The following UVRAG variants were observed in gnomAD, a reference collection of about 807,000 sequenced individuals.
UVRAG encodes UV radiation resistance-associated gene protein.
A neutral mutation model predicts 78.0 loss-of-function variants in UVRAG; 19 were observed. The observed-to-expected ratio is 0.24, with a 90% CI of 0.17 to 0.36. The LOEUF (loss-of-function observed/expected upper bound fraction) is 0.36, where lower values mean the gene tolerates loss of function less well. Ranked by LOEUF, UVRAG falls within the 10% of genes least tolerant of loss-of-function variation. The probability of loss-of-function intolerance (pLI) is 1.00; values close to 1 mark genes in which losing one functional copy is unlikely to be tolerated. For synonymous variants in UVRAG, 323 were observed against 324.6 expected, an observed-to-expected ratio of 1.00 and a Z score of 0.05; for missense variants, 740 against 853.8, an observed-to-expected ratio of 0.87 and a Z score of 1.66.
At chr11:76,055,044 T>A (rs1950953652) in intron 12 of UVRAG, among the ~76,000 whole-genome samples, 1 of 152,212 alleles carries the variant, frequency 6.6e-6, no homozygotes, top group African/African-American at 2.4e-5. Context: ...AAACTAGTTT[T>A]AAATTTTCCA....
intron 6 of UVRAG, among the ~76,000 whole-genome samples, chr11:75,921,721 A>T (rs925079820): frequency 6.6e-6 from 1 of 151,250 alleles, no homozygotes; most frequent in Non-Finnish European, 1.5e-5. Flanking sequence ...ACCCATCTGC[A>T]CACTGATATC....
chr11:76,080,521 T>C (rs1313364184), intron 13 of UVRAG, among the ~76,000 whole-genome samples: 1 of 151,886 alleles, frequency 6.6e-6, no homozygotes, highest in East Asian at 1.9e-4. Context: ...ATATAAATTA[T>C]TTTTTTCAGA....
intron 1 of UVRAG, among the ~76,000 whole-genome samples, chr11:75,832,538 C>T (rs1214913905): frequency 6.6e-6 from 1 of 152,208 alleles, no homozygotes; most frequent in Non-Finnish European, 1.5e-5. Context: ...CATGCCCTCT[C>T]TGGGTGTGCC....
At chr11:75,900,345 A>G (rs756091814) in intron 5 of UVRAG, among the ~76,000 whole-genome samples, 1 of 152,126 alleles carries the variant, frequency 6.6e-6, no homozygotes, top group South Asian at 2.1e-4. Context: ...TTCTGTTTCA[A>G]CTGTTGTACA....
intron 13 of UVRAG, among the ~76,000 whole-genome samples, chr11:76,104,918 T>C (rs1185897317): frequency 1.3e-5 from 2 of 152,222 alleles, no homozygotes; most frequent in Non-Finnish European, 1.5e-5. Flanking sequence ...CCTGCACTTA[T>C]AATAATATTT....
chr11:75,989,876 C>T (rs1473871707), intron 8 of UVRAG, among the ~76,000 whole-genome samples: 1 of 152,244 alleles, frequency 6.6e-6, no homozygotes, highest in Non-Finnish European at 1.5e-5. Context: ...GAGTATTACA[C>T]AGCATGAATC....
At chr11:75,838,301 A>T (rs1945829481) in intron 1 of UVRAG, among the ~76,000 whole-genome samples, 1 of 152,090 alleles carries the variant, frequency 6.6e-6, no homozygotes, top group East Asian at 1.9e-4. Flanking sequence ...TGAATCAAAG[A>T]ATATGTGCAT....
intron 13 of UVRAG, among the ~76,000 whole-genome samples, chr11:76,091,848 A>G (rs923415889): frequency 2.7e-4 from 40 of 147,956 alleles, no homozygotes; most frequent in Non-Finnish European, 4.8e-4. Context: ...TTTTTTTTTT[A>G]TTATTCTTTA....
intron 12 of UVRAG, among the ~76,000 whole-genome samples, chr11:76,052,313 C>T (rs533656286): frequency 5.3e-5 from 8 of 152,228 alleles, no homozygotes; most frequent in African/African-American, 1.9e-4. Flanking sequence ...AAAGAGTTGC[C>T]CTTGTCTCAC....
chr11:75,887,253 C>T (rs1419289308), intron 4 of UVRAG, among the ~76,000 whole-genome samples: 1 of 152,100 alleles, frequency 6.6e-6, no homozygotes, highest in Non-Finnish European at 1.5e-5. Flanking sequence ...ACAAGCGATT[C>T]TCCTGCCTCA....
At chr11:75,966,727 T>C (rs1351548598) in intron 7 of UVRAG, among the ~76,000 whole-genome samples, 1 of 152,192 alleles carries the variant, frequency 6.6e-6, no homozygotes, top group Non-Finnish European at 1.5e-5. Context: ...TTTTGTTACT[T>C]TGTTCCAAAA....
intron 8 of UVRAG, among the ~76,000 whole-genome samples, chr11:75,991,436 G>A (rs571519861): frequency 6.6e-5 from 10 of 152,070 alleles, no homozygotes; most frequent in African/African-American, 1.9e-4. Context: ...AATAATAGTA[G>A]CAATAATGTA....
Position 76,144,137 on chromosome 11 carries a change from C to G in UVRAG, c.*2724C>G, listed in dbSNP as rs932541210. ...CCAGTTATTTAAATAATTTTTTAAA[C>G]CACCACGAATAATAAATGGCATGTG... is the stretch of plus-strand genomic sequence containing the variant. On this transcript the variant is annotated 3_prime_UTR_variant, in exon 15 of 15. Coordinates refer to ENST00000356136, the MANE Select transcript of UVRAG (RefSeq NM_003369.4). 6.6e-6 allele frequency among the ~76,000 whole-genome samples: 1 copy of G among 152,150 alleles called. No homozygotes were observed.
At chr11:75,876,917 G>A (rs140313512) in intron 3 of UVRAG, among the ~76,000 whole-genome samples, 10,346 of 150,340 alleles carry the variant, frequency 0.069, 523 homozygotes, top group African/African-American at 0.15. Context: ...GCAGGGTCAT[G>A]GGACAATAGT....
At chr11:75,824,393 G>GTT (rs11334251) in intron 1 of UVRAG, among the ~76,000 whole-genome samples, 5 of 144,430 alleles carry the variant, frequency 3.5e-5, no homozygotes, top group Non-Finnish European at 3.0e-5. Context: ...GTGAAAATGA[G>GTT]TTTTTTTTTT....
intron 14 of UVRAG, among the ~76,000 whole-genome samples, chr11:76,140,148 T>C (rs1262223670): frequency 1.6e-4 from 17 of 105,444 alleles, no homozygotes; most frequent in South Asian, 1.2e-3. Flanking sequence ...TCTCTCTCTC[T>C]CCCTCCCTCC....
intron 14 of UVRAG, among the ~76,000 whole-genome samples, chr11:76,123,597 T>G (rs1285742812): frequency 6.6e-6 from 1 of 152,194 alleles, no homozygotes. Context: ...GATTTTTTTA[T>G]TCTAAGTTTA....
intron 5 of UVRAG, among the ~76,000 whole-genome samples, chr11:75,909,731 C>G (rs1007195735): frequency 1.3e-5 from 2 of 152,108 alleles, no homozygotes; most frequent in Non-Finnish European, 2.9e-5. Flanking sequence ...ACTAGACATT[C>G]TTAGGCTACA....
At chr11:76,066,240 A>G (rs57603155) in intron 13 of UVRAG, among the ~76,000 whole-genome samples, 21,212 of 151,938 alleles carry the variant, frequency 0.14, 3,862 homozygotes, top group African/African-American at 0.42. Flanking sequence ...CAAGCACATG[A>G]CCCTTCCAGT....
Sources: gnomAD v4.1 joint callset for allele counts (sites outside exome capture counted in the v4.1 genomes callset) on GRCh38, gnomAD v4.1.1 for gene constraint, MANE v1.5 for transcripts, NCBI Gene and HGNC (gene_info 2026-07-23, HGNC 2026-07-21) for gene names.